KLHL14: variants seen among roughly 807,000 people sequenced by gnomAD.
The protein encoded by KLHL14 is kelch like family member 14.
In KLHL14, 22 loss-of-function variants were observed where a neutral mutation model predicts 64.3. The ratio of observed to expected loss-of-function variants is 0.34; its 90% CI spans 0.24 to 0.49. KLHL14 has a LOEUF of 0.49. KLHL14 is among the 20% of genes least tolerant of loss of function. The pLI, the probability that KLHL14 is intolerant of heterozygous loss-of-function variation, is 0.99. For synonymous variants in KLHL14, 322 were observed against 333.4 expected (o/e 0.97, Z 0.37); for missense variants, 661 against 789.0 (o/e 0.84, Z 1.94).
At chr18:32,765,421 C>A (rs533822323) in intron 2 of KLHL14, among the ~76,000 whole-genome samples, 4 of 152,140 alleles carry the variant, frequency 2.6e-5, no homozygotes, top group African/African-American at 9.6e-5. Flanking sequence ...TTTTTAATTG[C>A]CTTCTGATTG....
chr18:32,674,809 G>C lies in KLHL14; in HGVS notation c.1747-12C>G, dbSNP rs376433741. The C allele has an allele frequency of 1.8e-5, 14 of 779,684 alleles. No homozygotes were observed. The highest frequency in any genetic ancestry group is 3.1e-5 in the Non-Finnish European group (13 of 417,370). 48.3% of individuals were successfully genotyped at this position (779,684 alleles called of 1,614,324 possible). A position where few individuals can be genotyped will look rare whatever the true frequency, so the allele number is the denominator to read the frequency against. On this transcript the variant is annotated splice_polypyrimidine_tract_variant and intron_variant, in intron 8 of 8. Transcript: ENST00000359358. ...GACTTGTAGGCCCCCTGTAATGACA[G>C]AGGAGGGAGCATTTAGAGAAGGAAG...
chr18:32,687,582 G>A (rs1300908076), intron 4 of KLHL14, among the ~76,000 whole-genome samples: 3 of 152,142 alleles, frequency 2.0e-5, no homozygotes, highest in African/African-American at 7.2e-5. Context: ...AACACAGTAA[G>A]TTATTGTCTG....
chr18:32,717,091 G>A (rs886643689), intron 3 of KLHL14, among the ~76,000 whole-genome samples: 2 of 152,110 alleles, frequency 1.3e-5, no homozygotes, highest in African/African-American at 4.8e-5. Flanking sequence ...GGTCAACCTG[G>A]TTGTACCATA....
At chr18:32,703,521 A>G (rs1330845681) in intron 3 of KLHL14, among the ~76,000 whole-genome samples, 1 of 152,190 alleles carries the variant, frequency 6.6e-6, no homozygotes, top group African/African-American at 2.4e-5. Flanking sequence ...AAGGCTGGCC[A>G]TATATTATTT....
intron 4 of KLHL14, among the ~76,000 whole-genome samples, chr18:32,693,271 C>T (rs1036958812): frequency 6.6e-6 from 1 of 151,988 alleles, no homozygotes; most frequent in African/African-American, 2.4e-5. Flanking sequence ...ATGGTCCAGC[C>T]TCCTTTGCCC....
intron 2 of KLHL14, among the ~76,000 whole-genome samples, chr18:32,752,983 G>GTC (rs1451522206): frequency 7.3e-5 from 11 of 151,318 alleles, no homozygotes; most frequent in Non-Finnish European, 1.2e-4. Flanking sequence ...GTGTGTGTGT[G>GTC]TGTGTGTGTG....
intron 3 of KLHL14, among the ~76,000 whole-genome samples, chr18:32,700,713 G>C (rs569226204): frequency 6.6e-6 from 1 of 152,066 alleles, no homozygotes; most frequent in Non-Finnish European, 1.5e-5. Context: ...CACTAGTCAG[G>C]GGAAGCACAC....
At chr18:32,723,562 G>T (rs760771652) in intron 3 of KLHL14, among the ~76,000 whole-genome samples, 2 of 152,146 alleles carry the variant, frequency 1.3e-5, no homozygotes, top group East Asian at 3.9e-4. Context: ...CCCTCTCTGT[G>T]TCTGGTTCTG....
At chr18:32,768,028 A>T (rs1598582516) in intron 2 of KLHL14, among the ~76,000 whole-genome samples, 2 of 152,242 alleles carry the variant, frequency 1.3e-5, no homozygotes, top group East Asian at 3.8e-4. Context: ...TTAATCACCA[A>T]GGCCCATCGC....
chr18:32,758,216 G>C (rs1200798930), intron 2 of KLHL14, among the ~76,000 whole-genome samples: 3 of 151,934 alleles, frequency 2.0e-5, no homozygotes, highest in Non-Finnish European at 1.5e-5. Flanking sequence ...TCAAACTCCT[G>C]GGTTCAAGCA....
chr18:32,751,494 T>A (rs1019991699), intron 2 of KLHL14, among the ~76,000 whole-genome samples: 2 of 152,090 alleles, frequency 1.3e-5, no homozygotes, highest in Non-Finnish European at 2.9e-5. Context: ...TTTATTTTCC[T>A]CCATTTCACA....
chr18:32,764,412 C>A (rs2050330018), intron 2 of KLHL14, among the ~76,000 whole-genome samples: 1 of 152,112 alleles, frequency 6.6e-6, no homozygotes, highest in African/African-American at 2.4e-5. Flanking sequence ...ATTATTTAGA[C>A]TTGAGTTCTT....
chr18:32,734,374 G>A (rs1568077722), intron 3 of KLHL14: 2 of 639,874 alleles, frequency 3.1e-6, no homozygotes, highest in East Asian at 5.4e-5. Flanking sequence ...ATCCCTGAAT[G>A]ACTCTGTGGA....
At position 32,703,016 on chromosome 18, in the gene KLHL14, C is replaced by T. The variant is rs76426705; in HGVS notation, c.1070-7464G>A. Reference sequence around the variant, plus strand: ...TTCTTGACTATGAGGATCGTTTCATCACTCCCTCATCTTTGCAATGATTGG... The same window carrying T: ...TTCTTGACTATGAGGATCGTTTCATTACTCCCTCATCTTTGCAATGATTGG... On this transcript the variant is annotated intron_variant, in intron 3 of 8. Coordinates refer to ENST00000359358, the MANE Select transcript of KLHL14 (RefSeq NM_020805.3). 5.1e-4 allele frequency among the ~76,000 whole-genome samples: 77 copies of T among 152,320 alleles called. 1 individual carries two copies. The East Asian group carries it at 0.013, about 25-fold the overall frequency.
intron 2 of KLHL14, among the ~76,000 whole-genome samples, chr18:32,760,599 G>A (rs1053805756): frequency 1.3e-5 from 2 of 152,106 alleles, no homozygotes; most frequent in East Asian, 3.9e-4. Flanking sequence ...CCATACGGTG[G>A]CCCAGCTGAG....
At position 32,770,982 on chromosome 18, in the gene KLHL14, G is replaced by A. The variant is rs2144201802; in HGVS notation, c.-43-348C>T. The A allele has an allele frequency of 2.3e-6, 1 of 428,114 alleles. No homozygotes were observed. The highest frequency in any genetic ancestry group is 2.1e-5 in the African/African-American group (1 of 47,738). The allele number at this position is 428,114 out of a possible 1,614,324, so 26.5% of individuals were successfully genotyped here. ...CAGCAGTGGCAGCAGCGACGGCAAA[G>A]TGGCGGCTGAGGCCGAGGCACCTCG... is the stretch of plus-strand genomic sequence containing the variant. On this transcript the variant is annotated intron_variant, in intron 1 of 8. Transcript: ENST00000359358. The surrounding 1 kb of genome is among the most constrained non-coding windows in gnomAD (Gnocchi z 6.7).
intron 2 of KLHL14, among the ~76,000 whole-genome samples, chr18:32,756,304 A>G (rs1259082997): frequency 1.3e-5 from 2 of 152,132 alleles, no homozygotes; most frequent in South Asian, 2.1e-4. Context: ...GCAGAAATCA[A>G]CCCTGCTGGC....
intron 2 of KLHL14, among the ~76,000 whole-genome samples, chr18:32,755,575 A>G (rs147864546): frequency 3.9e-4 from 60 of 152,272 alleles, no homozygotes; most frequent in African/African-American, 1.4e-3. Context: ...AGAAATCACT[A>G]TCAGTATTTT....
intron 3 of KLHL14, among the ~76,000 whole-genome samples, chr18:32,725,965 GAATT>G (rs2050105961): frequency 2.0e-5 from 3 of 152,206 alleles, no homozygotes; most frequent in Non-Finnish European, 4.4e-5. Flanking sequence ...AGGATTAAAT[GAATT>G]AATACATGTA....
Sources: allele counts gnomAD v4.1 joint callset (sites outside exome capture counted in the v4.1 genomes callset), GRCh38; gene constraint gnomAD v4.1.1; non-coding constraint Gnocchi (gnomAD v3.1); transcripts MANE v1.5; gene names NCBI Gene and HGNC (gene_info 2026-07-23, HGNC 2026-07-21).